Variants in FOXP2 observed in about 807,000 individuals in gnomAD.
The protein encoded by FOXP2 is forkhead box protein P2.
Under a neutral mutation model 115.8 loss-of-function variants are expected in FOXP2, and 12 were observed. That is an observed-to-expected ratio of 0.10 (90% CI 0.07 to 0.17). The LOEUF (loss-of-function observed/expected upper bound fraction) is 0.17, where lower values mean the gene tolerates loss of function less well. Among genes scored for constraint, FOXP2 ranks in the 10% least tolerant of loss-of-function variants. The pLI, the probability that FOXP2 is intolerant of heterozygous loss-of-function variation, is 1.00. For missense variants in FOXP2, 629 were observed against 843.5 expected, an observed-to-expected ratio of 0.75 and a Z score of 3.15; for synonymous variants, 328 against 297.7, an observed-to-expected ratio of 1.10 and a Z score of -1.05.
chr7:114,556,913 T>C (rs1800491167), intron 3 of FOXP2, among the ~76,000 whole-genome samples: 1 of 152,194 alleles, frequency 6.6e-6, no homozygotes, highest in African/African-American at 2.4e-5. Flanking sequence ...TTTTGTATTG[T>C]TTTTTGAAAA....
chr7:114,653,620 G>T (rs749059653), intron 9 of FOXP2, among the ~76,000 whole-genome samples: 2 of 152,000 alleles, frequency 1.3e-5, no homozygotes, highest in Non-Finnish European at 1.5e-5. Flanking sequence ...AGACACCATG[G>T]GCCTTCTAAT....
rs553157777 is a variant in FOXP2 at position 114,543,606 on chromosome 7, T to C, written c.258+8900T>C. 2.5e-4 allele frequency among the ~76,000 whole-genome samples: 38 copies of C among 152,322 alleles called. 1 individual carries two copies. Among genetic ancestry groups the C allele is most frequent in the African/African-American group, 8.9e-4 (37 of 41,578 alleles). On this transcript the variant is annotated intron_variant, in intron 3 of 16. Coordinates refer to ENST00000350908, the MANE Select transcript of FOXP2 (RefSeq NM_014491.4). ...GAGGTAGATAACAGCAAAGCTACAT[T>C]AGTGATAGAAAAATCCATATGAGTT...
chr7:114,455,521 A>C (rs1375451719), intron 2 of FOXP2, among the ~76,000 whole-genome samples: 1 of 152,208 alleles, frequency 6.6e-6, no homozygotes, highest in Non-Finnish European at 1.5e-5. Context: ...AAATCATCTC[A>C]TGGAAGCACC....
Position 114,280,593 on chromosome 7 carries a change from A to G in FOXP2, c.-101-7426A>G, listed in dbSNP as rs112680533. Among the ~76,000 whole-genome samples, 194 of 152,282 alleles carry G rather than the reference A, an allele frequency of 1.3e-3. 1 individual carries two copies. The highest frequency in any genetic ancestry group is 4.3e-3 in the African/African-American group (180 of 41,568). ...TATACTCTGTTCTATGAAAAGTGAGATACAGTAACTACAGAAGCCTTTGTC... is the reference window on the plus strand; with the variant it reads ...TATACTCTGTTCTATGAAAAGTGAGGTACAGTAACTACAGAAGCCTTTGTC... On this transcript the variant is annotated intron_variant, in intron 1 of 17. Coordinates refer to the FOXP2 transcript ENST00000634411.
At chr7:114,550,399 AGCCACCGCACCCG>A (rs890113553) in intron 3 of FOXP2, among the ~76,000 whole-genome samples, 8 of 152,124 alleles carry the variant, frequency 5.3e-5, no homozygotes, top group African/African-American at 1.9e-4. Context: ...TACAGGCGTG[AGCCACCGCACCCG>A]GCCTCATCTT....
At chr7:114,191,380 T>C (rs1170731556) in intron 1 of FOXP2, among the ~76,000 whole-genome samples, 1 of 152,174 alleles carries the variant, frequency 6.6e-6, no homozygotes, top group Non-Finnish European at 1.5e-5. Context: ...TGTGGCCCAA[T>C]GAAAGTATTT....
intron 1 of FOXP2, among the ~76,000 whole-genome samples, chr7:114,258,578 A>C (rs1562841328): frequency 6.6e-6 from 1 of 152,210 alleles, no homozygotes; most frequent in Non-Finnish European, 1.5e-5. Context: ...CCTGAAATTA[A>C]ACAAACAAAC....
At chr7:114,677,222 G>T (rs1807828834) in intron 16 of FOXP2, among the ~76,000 whole-genome samples, 1 of 150,422 alleles carries the variant, frequency 6.6e-6, no homozygotes, top group Non-Finnish European at 1.5e-5. Flanking sequence ...AATCTTTATT[G>T]TTAACTTCAT....
chr7:114,086,881 G>A (rs539512387), upstream of FOXP2, among the ~76,000 whole-genome samples: 5 of 152,306 alleles, frequency 3.3e-5, no homozygotes, highest in African/African-American at 9.6e-5. Flanking sequence ...AAAAAGGGGT[G>A]GAGAGGGGAG....
At chr7:114,282,846 A>G (rs1241213134) in intron 1 of FOXP2, among the ~76,000 whole-genome samples, 1 of 152,190 alleles carries the variant, frequency 6.6e-6, no homozygotes, top group Non-Finnish European at 1.5e-5. Context: ...ACATCTGTAC[A>G]AATGATAGTA....
intron 3 of FOXP2, among the ~76,000 whole-genome samples, chr7:114,582,701 T>C (rs1184237029): frequency 6.6e-6 from 1 of 152,202 alleles, no homozygotes; most frequent in African/African-American, 2.4e-5. Context: ...AAATAATTGG[T>C]TAATTTTTGG....
At chr7:114,542,357 T>A (rs1184569822) in intron 3 of FOXP2, among the ~76,000 whole-genome samples, 3 of 152,140 alleles carry the variant, frequency 2.0e-5, no homozygotes, top group African/African-American at 7.2e-5. Context: ...ATTCTTACAA[T>A]CCAGTATCTA....
intron 1 of FOXP2, among the ~76,000 whole-genome samples, chr7:114,189,231 ACTTTT>A (rs1303227336): frequency 6.6e-6 from 1 of 152,180 alleles, no homozygotes; most frequent in Non-Finnish European, 1.5e-5. Flanking sequence ...AGATTTAACT[ACTTTT>A]CTGTCATATG....
chr7:114,114,342 A>G (rs1399904054), intron 1 of FOXP2, among the ~76,000 whole-genome samples: 1 of 151,580 alleles, frequency 6.6e-6, no homozygotes, highest in Non-Finnish European at 1.5e-5. Context: ...TAAATTCTAC[A>G]AAAGATTTCT....
upstream of FOXP2, chr7:114,087,682 C>T (rs1799450215): frequency 6.7e-6 from 1 of 149,314 alleles, no homozygotes; most frequent in Admixed American, 6.7e-5. Flanking sequence ...CGCGCGCCAC[C>T]CGCGCGTTTT....
rs565892975 is a variant in FOXP2, at chr7:114,212,122, A to T, written c.-102+49034A>T. 1.5e-4 allele frequency among the ~76,000 whole-genome samples: 20 copies of T among 131,038 alleles called. No individual in the cohort carries two copies. The South Asian group carries it at 2.9e-3, about 19-fold the overall frequency. The allele number at this position is 131,038 out of a possible 152,430, so 86.0% of individuals were successfully genotyped here. A position where few individuals can be genotyped will look rare whatever the true frequency, so the allele number is the denominator to read the frequency against. The stretch of plus-strand genomic sequence containing the variant: ...AATAAAATAAAATAAAATAAAATAA[A>T]ATATATATATATATTCTTTGTTTCC... On this transcript the variant is annotated intron_variant, in intron 1 of 17. Coordinates refer to the FOXP2 transcript ENST00000634411.
chr7:114,191,741 A>G (rs957621490), intron 1 of FOXP2, among the ~76,000 whole-genome samples: 2 of 152,158 alleles, frequency 1.3e-5, no homozygotes, highest in African/African-American at 4.8e-5. Context: ...TACATTTGCT[A>G]CAATTGATGA....
At chr7:114,639,123 G>A (rs1178209057) in intron 6 of FOXP2, among the ~76,000 whole-genome samples, 1 of 152,170 alleles carries the variant, frequency 6.6e-6, no homozygotes, top group Non-Finnish European at 1.5e-5. Context: ...AACATCGTTA[G>A]TTGGTATAAT....
intron 1 of FOXP2, among the ~76,000 whole-genome samples, chr7:114,104,230 A>G (rs1240588341): frequency 6.6e-6 from 1 of 151,984 alleles, no homozygotes; most frequent in African/African-American, 2.4e-5. Flanking sequence ...AATTAAGACA[A>G]CAAGAAGTGA....
Sources: allele counts gnomAD v4.1 joint callset (sites outside exome capture counted in the v4.1 genomes callset), GRCh38; gene constraint gnomAD v4.1.1; transcripts MANE v1.5; gene names NCBI Gene and HGNC (gene_info 2026-07-23, HGNC 2026-07-21).